The following CFTR variants were observed in gnomAD, a reference collection of about 807,000 sequenced individuals.
CFTR encodes the protein CF transmembrane conductance regulator.
CFTR carries 181 observed loss-of-function variants against 171.6 expected under a neutral mutation model. That is an observed-to-expected ratio of 1.05 (90% CI 0.93 to 1.19). CFTR has a LOEUF of 1.19. Among genes scored for constraint, CFTR ranks in the 50% most tolerant of loss-of-function variants. The probability of loss-of-function intolerance (pLI) is 0.00; values close to 1 mark genes in which losing one functional copy is unlikely to be tolerated. For missense variants in CFTR, 1,968 were observed against 1,734.7 expected, an observed-to-expected ratio of 1.13 and a Z score of -2.39; for synonymous variants, 583 against 608.0, an observed-to-expected ratio of 0.96 and a Z score of 0.60.
chr7:117,496,561 TA>T (rs1274500767), intron 1 of CFTR, among the ~76,000 whole-genome samples: 1 of 152,214 alleles, frequency 6.6e-6, no homozygotes, highest in Non-Finnish European at 1.5e-5. Context: ...GTATTTTATT[TA>T]TCCTTTCCCC....
At chr7:117,620,805 T>A (rs1215239922) in intron 21 of CFTR, among the ~76,000 whole-genome samples, 1 of 152,142 alleles carries the variant, frequency 6.6e-6, no homozygotes, top group Non-Finnish European at 1.5e-5. Flanking sequence ...ACATGCAGAA[T>A]CTTTATAAAA....
chr7:117,549,252 A>G (rs1245329199), intron 10 of CFTR, among the ~76,000 whole-genome samples: 1 of 152,158 alleles, frequency 6.6e-6, no homozygotes, highest in Non-Finnish European at 1.5e-5. Context: ...AATTTTCAGA[A>G]TAGATTTAGA....
At chr7:117,560,206 C>A (rs2115940917) in intron 11 of CFTR, among the ~76,000 whole-genome samples, 1 of 152,044 alleles carries the variant, frequency 6.6e-6, no homozygotes, top group East Asian at 1.9e-4. Flanking sequence ...GATGCAGAGG[C>A]AAAATGAAGA....
At chr7:117,489,258 A>G (rs1798119907) in intron 1 of CFTR, among the ~76,000 whole-genome samples, 1 of 152,062 alleles carries the variant, frequency 6.6e-6, no homozygotes. Context: ...GACTCAGAAG[A>G]ATATTTTTGC....
chr7:117,577,265 G>A (rs982928737), intron 11 of CFTR, among the ~76,000 whole-genome samples: 10 of 152,104 alleles, frequency 6.6e-5, no homozygotes. Flanking sequence ...TGAGGCTGAA[G>A]AAATAAGCTA....
intron 16 of CFTR, 76 bp downstream of exon 16, chr7:117,602,939 A>C: frequency 2.4e-6 from 3 of 1,242,784 alleles, no homozygotes; most frequent in Middle Eastern, 1.9e-4. Flanking sequence ...CTATGTTTGT[A>C]TGTATTGTAA....
At chr7:117,661,712 T>C (rs775169408) in intron 24 of CFTR, among the ~76,000 whole-genome samples, 18 of 152,302 alleles carry the variant, frequency 1.2e-4, no homozygotes, top group Non-Finnish European at 1.0e-4. Context: ...GCTCCAATAA[T>C]ACTAATAATT....
At chr7:117,550,934 G>A (rs995948550) in intron 10 of CFTR, among the ~76,000 whole-genome samples, 14 of 152,092 alleles carry the variant, frequency 9.2e-5, no homozygotes, top group African/African-American at 3.4e-4. Flanking sequence ...ACACTTTATA[G>A]TTTTTTTTGG....
intron 15 of CFTR, among the ~76,000 whole-genome samples, chr7:117,596,260 G>A (rs1792123471): frequency 6.6e-6 from 1 of 152,242 alleles, no homozygotes; most frequent in South Asian, 2.1e-4. Flanking sequence ...GGCCCCGCGA[G>A]CCCCAGGCAG....
intron 15 of CFTR, among the ~76,000 whole-genome samples, chr7:117,599,063 C>A (rs1042403799): frequency 6.6e-6 from 1 of 151,846 alleles, no homozygotes; most frequent in Non-Finnish European, 1.5e-5. Flanking sequence ...AACAAAAATA[C>A]GAGATTGGGT....
chr7:117,564,389 A>G (rs573562444), intron 11 of CFTR: 3 of 152,366 alleles, frequency 2.0e-5, no homozygotes, highest in African/African-American at 7.2e-5. Context: ...TTGTTGTTAA[A>G]TAAGTGTTCT....
chr7:117,498,913 G>C (rs1353925157), intron 1 of CFTR, among the ~76,000 whole-genome samples: 1 of 147,054 alleles, frequency 6.8e-6, no homozygotes, highest in East Asian at 2.0e-4. Context: ...TAATGTATTT[G>C]AATTTGTCTA....
chr7:117,577,791 G>A (rs1388583846), intron 11 of CFTR, among the ~76,000 whole-genome samples: 1 of 152,188 alleles, frequency 6.6e-6, no homozygotes, highest in Non-Finnish European at 1.5e-5. Context: ...TTGTTATTAT[G>A]TAACAGGATT....
At chr7:117,584,884 C>A (rs1464773472) in intron 11 of CFTR, among the ~76,000 whole-genome samples, 5 of 151,602 alleles carry the variant, frequency 3.3e-5, no homozygotes, top group African/African-American at 1.2e-4. Flanking sequence ...AGATCTTTAA[C>A]CTCCTTGGTT....
intron 3 of CFTR, among the ~76,000 whole-genome samples, chr7:117,516,727 A>G (rs538809407): frequency 6.6e-6 from 1 of 152,264 alleles, no homozygotes; most frequent in South Asian, 2.1e-4. Context: ...TGATGTTTTC[A>G]TATAGGCATG....
At chr7:117,554,027 C>T (rs764885651) in intron 10 of CFTR, among the ~76,000 whole-genome samples, 4 of 151,994 alleles carry the variant, frequency 2.6e-5, no homozygotes, top group Non-Finnish European at 4.4e-5. Flanking sequence ...AAGTAATCGG[C>T]GGTGGAGGTA....
intron 21 of CFTR, among the ~76,000 whole-genome samples, chr7:117,623,565 C>T (rs1489194067): frequency 1.3e-5 from 2 of 152,224 alleles, no homozygotes; most frequent in African/African-American, 4.8e-5. Flanking sequence ...TCAATGAAAA[C>T]AAATAGATGA....
intron 24 of CFTR, among the ~76,000 whole-genome samples, chr7:117,660,666 ATG>A (rs57950576): frequency 5.0e-4 from 74 of 148,942 alleles, no homozygotes; most frequent in African/African-American, 5.2e-4. Context: ...GGGGATATAT[ATG>A]TGTGTGTGTG....
At chr7:117,662,472 C>A (rs952458432) in intron 24 of CFTR, among the ~76,000 whole-genome samples, 4 of 152,128 alleles carry the variant, frequency 2.6e-5, no homozygotes, top group African/African-American at 9.7e-5. Flanking sequence ...TCAGCAATGG[C>A]ATCACTTGAG....
Sources: allele counts gnomAD v4.1 joint callset (sites outside exome capture counted in the v4.1 genomes callset), GRCh38; gene constraint gnomAD v4.1.1; transcripts MANE v1.5; gene names NCBI Gene and HGNC (gene_info 2026-07-23, HGNC 2026-07-21).